CISD1: variants seen among roughly 807,000 people sequenced by gnomAD.
CISD1 encodes CDGSH iron-sulfur domain-containing protein 1.
In CISD1, 8 loss-of-function variants were observed where a neutral mutation model predicts 12.0. That is an observed-to-expected ratio of 0.67 (90% CI 0.39 to 1.20). The LOEUF (loss-of-function observed/expected upper bound fraction) is 1.20, where lower values mean the gene tolerates loss of function less well. CISD1 is among the 50% of genes most tolerant of loss of function. The pLI, the probability that CISD1 is intolerant of heterozygous loss-of-function variation, is 0.01. For missense variants in CISD1, 107 were observed against 132.7 expected (o/e 0.81, Z 0.95); for synonymous variants, 38 against 42.2 (o/e 0.90, Z 0.39).
chr10:58,271,062 C>T (rs868369464), intron 1 of CISD1, among the ~76,000 whole-genome samples: 4 of 77,168 alleles, frequency 5.2e-5, no homozygotes, highest in African/African-American at 4.8e-4. Flanking sequence ...TTTTTTGAGG[C>T]GGAGTCTCGC....
At chr10:58,286,166 C>T (rs1162030089) in intron 2 of CISD1, among the ~76,000 whole-genome samples, 1 of 148,622 alleles carries the variant, frequency 6.7e-6, no homozygotes, top group Non-Finnish European at 1.5e-5. Flanking sequence ...GATCGCGCCA[C>T]TGCATTCCAG....
Position 58,274,392 on chromosome 10 carries a change from G to T in CISD1, c.32-2725G>T, listed in dbSNP as rs1313541475. Among the ~76,000 whole-genome samples the T allele has an allele frequency of 7.3e-5, 10 of 137,242 alleles. No individual in the cohort carries two copies. In the South Asian group the frequency reaches 1.4e-3, roughly 20 times the overall value. 90.0% of individuals were successfully genotyped at this position (137,242 alleles called of 152,430 possible). A position where few individuals can be genotyped will look rare whatever the true frequency, so the allele number is the denominator to read the frequency against. On this transcript the variant is annotated intron_variant, in intron 1 of 2. Coordinates refer to ENST00000333926, the MANE Select transcript of CISD1 (RefSeq NM_018464.5). The stretch of plus-strand genomic sequence containing the variant: ...CAGTGGCATCCACAGCTTTTTGCCA[G>T]AAAAGACTGATGATTCAGGCTACAC...
At chr10:58,276,968 A>G (rs1839321712) in intron 1 of CISD1, 149 bp from the exon 2 acceptor site, 1 of 567,780 alleles carries the variant, frequency 1.8e-6, no homozygotes, top group Non-Finnish European at 3.2e-6. Context: ...GGACTATTAT[A>G]CCAGTGTTTT....
At position 58,277,274 on chromosome 10, in the gene CISD1, G is replaced by A; in HGVS notation, c.189G>A (p.Glu63=). 9.9e-6 allele frequency: 16 copies of A among 1,610,402 alleles called. No individual in the cohort carries two copies. Among genetic ancestry groups the A allele is most frequent in the African/African-American group, 1.3e-5 (1 of 74,860 alleles). ...NPKIVHAFDM[E]DLGDKAVYCR... ...AGATAGTACATGCTTTTGACATGGA[G>A]GATTTGGGAGATAAAGCTGTGTACT... The change falls in exon 2 of 3, where the codon GAG becomes GAA. Residue 63 remains glutamate (E), a synonymous_variant. Coordinates refer to ENST00000333926, the MANE Select transcript of CISD1 (RefSeq NM_018464.5).
rs1362830989 is a variant in CISD1 at position 58,269,288 on chromosome 10, C to T, written c.15C>T (p.Ser5=). Residue 5 remains serine, a synonymous_variant, in exon 1 of 3, where the codon TCC becomes TCT. Transcript: ENST00000333926. MSLT[S]SSSVRVEWIA... is the part of the protein sequence containing the mutation. ...GCGACGGCGCCATGAGTCTGACTTC[C>T]AGTTCCAGCGTACGAGGTGAAGTGG... The T allele has an allele frequency of 1.6e-5, 26 of 1,609,124 alleles. No homozygotes were observed. Among genetic ancestry groups the T allele is most frequent in the Non-Finnish European group, 2.1e-5 (25 of 1,179,690 alleles).
chr10:58,285,511 ACT>A (rs1030593515), intron 2 of CISD1, among the ~76,000 whole-genome samples: 37 of 152,310 alleles, frequency 2.4e-4, no homozygotes, highest in African/African-American at 8.4e-4. Flanking sequence ...AAACAGTGAA[ACT>A]CTAGATTCTA....
At chr10:58,277,926 TA>T (rs1345411701) in intron 2 of CISD1, among the ~76,000 whole-genome samples, 2 of 152,188 alleles carry the variant, frequency 1.3e-5, no homozygotes, top group African/African-American at 4.8e-5. Context: ...GAAACTTCTT[TA>T]AAATCACCCG....
At chr10:58,275,190 G>A (rs148566389) in intron 1 of CISD1, among the ~76,000 whole-genome samples, 119 of 152,324 alleles carry the variant, frequency 7.8e-4, no homozygotes, top group African/African-American at 2.9e-3. Context: ...AGCAAATGTT[G>A]TGGTGCATAT....
At chr10:58,276,178 G>C (rs907726837) in intron 1 of CISD1, 4 of 152,146 alleles carry the variant, frequency 2.6e-5, no homozygotes, top group African/African-American at 7.2e-5. Flanking sequence ...AGATTATGCA[G>C]AACTTTCTTC....
At position 58,280,369 on chromosome 10, in the gene CISD1, T is replaced by G. The variant is rs1011864275; in HGVS notation, c.237+3047T>G. On this transcript the variant is annotated intron_variant, in intron 2 of 2. Coordinates refer to ENST00000333926, the MANE Select transcript of CISD1 (RefSeq NM_018464.5). ...GATTTCGGGGAAAGGATCAGCCAAATGCACTGACTTCTGTGTGAAAGACTA... is the reference window on the plus strand; with the variant it reads ...GATTTCGGGGAAAGGATCAGCCAAAGGCACTGACTTCTGTGTGAAAGACTA... Among the ~76,000 whole-genome samples the G allele has an allele frequency of 3.3e-4, 51 of 152,284 alleles. 1 individual carries two copies. Among genetic ancestry groups the G allele is most frequent in the African/African-American group, 1.2e-3 (48 of 41,562 alleles).
chr10:58,272,403 A>G (rs1564545470), intron 1 of CISD1, among the ~76,000 whole-genome samples: 2 of 152,188 alleles, frequency 1.3e-5, no homozygotes, highest in Non-Finnish European at 2.9e-5. Flanking sequence ...GCTTGTAACC[A>G]AAATTACATT....
At chr10:58,276,831 A>G (rs1839320276) in intron 1 of CISD1, among the ~76,000 whole-genome samples, 1 of 150,908 alleles carries the variant, frequency 6.6e-6, no homozygotes, top group Non-Finnish European at 1.5e-5. Context: ...ATGATTATTG[A>G]GCTTTGGGTT....
intron 1 of CISD1, among the ~76,000 whole-genome samples, chr10:58,274,361 A>T (rs1839286326): frequency 6.7e-6 from 1 of 149,810 alleles, no homozygotes; most frequent in South Asian, 2.1e-4. Flanking sequence ...TTTCCTTTAG[A>T]GTTGCCAGTG....
intron 2 of CISD1, among the ~76,000 whole-genome samples, chr10:58,278,164 A>G (rs930857650): frequency 2.0e-5 from 3 of 152,364 alleles, no homozygotes; most frequent in Admixed American, 6.5e-5. Flanking sequence ...AAGGATTTGT[A>G]CACCGAATGA....
Position 58,269,214 on chromosome 10 carries a change from G to T in CISD1, c.-60G>T. Reference sequence around the variant, plus strand: ...GCCGCTGGCACCTTTACTCTCGCCGGCCGCGCGAACCCGTTTGAGCTCGGT... The same window carrying T: ...GCCGCTGGCACCTTTACTCTCGCCGTCCGCGCGAACCCGTTTGAGCTCGGT... On this transcript the variant is annotated 5_prime_UTR_variant, in exon 1 of 3. Transcript: ENST00000333926. The T allele has an allele frequency of 6.3e-7, 1 of 1,574,988 alleles. No individual in the cohort carries two copies. Among genetic ancestry groups the T allele is most frequent in the Non-Finnish European group, 8.7e-7 (1 of 1,155,458 alleles).
chr10:58,286,001 C>A (rs924421733), intron 2 of CISD1, among the ~76,000 whole-genome samples: 2 of 151,780 alleles, frequency 1.3e-5, no homozygotes, highest in Non-Finnish European at 2.9e-5. Context: ...GTCAGGAGAT[C>A]GAGACCATCC....
rs1839442770 is a variant in CISD1, at chr10:58,287,574, A to T, written c.251A>T (p.Asp84Val). 6.2e-7 allele frequency: 1 copy of T among 1,607,866 alleles called. No individual in the cohort carries two copies. The highest frequency in any genetic ancestry group is 1.1e-5 in the South Asian group (1 of 90,060). The change falls in exon 3 of 3, where the codon GAT becomes GTT. Residue 84 changes from aspartate (D) to valine (V), a missense_variant. By Grantham distance (152) the Asp-to-Val change is radical. Transcript: ENST00000333926. ...TTCTCTTCCTAGTTCCCATTCTGTGATGGGGCTCACACAAAACATAACGAA... is the reference window on the plus strand; with the variant it reads ...TTCTCTTCCTAGTTCCCATTCTGTGTTGGGGCTCACACAAAACATAACGAA... ...CWRSKKFPFC[D>V]GAHTKHNEET...
intron 2 of CISD1, among the ~76,000 whole-genome samples, chr10:58,285,057 A>T (rs1056258265): frequency 6.6e-6 from 1 of 152,188 alleles, no homozygotes; most frequent in Non-Finnish European, 1.5e-5. Context: ...CATCCATGCC[A>T]AGAAAAAACT....
chr10:58,279,365 T>C (rs1013407942), intron 2 of CISD1, among the ~76,000 whole-genome samples: 2 of 152,152 alleles, frequency 1.3e-5, no homozygotes, highest in Non-Finnish European at 2.9e-5. Flanking sequence ...CAGATTTTCT[T>C]TTCATTTTTA....
Sources: allele counts gnomAD v4.1 joint callset (sites outside exome capture counted in the v4.1 genomes callset), GRCh38; gene constraint gnomAD v4.1.1; transcripts MANE v1.5; gene names NCBI Gene and HGNC (gene_info 2026-07-23, HGNC 2026-07-21).